The following LMLN variants were observed in gnomAD, a reference collection of about 807,000 sequenced individuals.
LMLN encodes the protein leishmanolysin-like peptidase.
Under a neutral mutation model 92.3 loss-of-function variants are expected in LMLN, and 70 were observed. The observed-to-expected ratio is 0.76, with a 90% CI of 0.63 to 0.92. The LOEUF is 0.92. Among genes scored for constraint, LMLN ranks in the 40% least tolerant of loss-of-function variants. The pLI, the probability that LMLN is intolerant of heterozygous loss-of-function variation, is 0.00. For missense variants in LMLN, 691 were observed against 814.6 expected (o/e 0.85, Z 1.85); for synonymous variants, 308 against 296.2 (o/e 1.04, Z -0.41).
chr3:197,992,577 A>G (rs1721905583), intron 9 of LMLN, among the ~76,000 whole-genome samples: 2 of 152,226 alleles, frequency 1.3e-5, no homozygotes, highest in Admixed American at 1.3e-4. Context: ...ACTTATGAAG[A>G]CTGAATCATG....
exon 10 of LMLN, chr3:197,996,280 G>A: frequency 6.4e-7 from 1 of 1,551,234 alleles, no homozygotes. Context: ...AAGGTTATTA[G>A]AGGTCAGTTT....
intron 11 of LMLN, among the ~76,000 whole-genome samples, chr3:198,000,949 AAGAG>A (rs1344591439): frequency 6.6e-6 from 1 of 151,934 alleles, no homozygotes; most frequent in Non-Finnish European, 1.5e-5. Context: ...TTAGTTTTTA[AAGAG>A]AGAGAAAGAA....
chr3:197,991,863 C>CTT lies in LMLN; in HGVS notation c.1047+1203_1047+1204dup, dbSNP rs34726731. 3.3e-3 allele frequency among the ~76,000 whole-genome samples: 448 copies of CTT among 135,822 alleles called. 2 individuals carry two copies. The highest frequency in any genetic ancestry group is 0.011 in the African/African-American group (393 of 36,182). 89.1% of individuals were successfully genotyped at this position (135,822 alleles called of 152,430 possible). A position where few individuals can be genotyped will look rare whatever the true frequency, so the allele number is the denominator to read the frequency against. On this transcript the variant is annotated intron_variant, in intron 9 of 15. Transcript: ENST00000330198. ...AGCAAGGTTTTATTCTACTGAGCAA[C>CTT]TTTTTTTTTTTTTTTTTGAGACAGT...
At chr3:198,014,646 C>T (rs555362628) in intron 11 of LMLN, among the ~76,000 whole-genome samples, 29 of 134,424 alleles carry the variant, frequency 2.2e-4, no homozygotes, top group African/African-American at 8.6e-4. Flanking sequence ...GACTTCTCTC[C>T]ACCCTTCAGA....
At chr3:198,036,753 TA>T (rs957570106) in intron 15 of LMLN, among the ~76,000 whole-genome samples, 1 of 152,200 alleles carries the variant, frequency 6.6e-6, no homozygotes, top group African/African-American at 2.4e-5. Context: ...GCTGAGAGTA[TA>T]AAAGCAGAAT....
chr3:197,984,328 A>G (rs1721638472), intron 7 of LMLN, among the ~76,000 whole-genome samples: 1 of 152,060 alleles, frequency 6.6e-6, no homozygotes, highest in Non-Finnish European at 1.5e-5. Context: ...AGATTGTGCC[A>G]CTGCACTCCA....
intron 11 of LMLN, among the ~76,000 whole-genome samples, chr3:198,015,998 A>C (rs1288231822): frequency 1.3e-5 from 2 of 152,000 alleles, no homozygotes; most frequent in African/African-American, 4.8e-5. Flanking sequence ...CAGGAGTTTG[A>C]GACCAGACTG....
chr3:198,035,583 G>A (rs909379010), intron 14 of LMLN, among the ~76,000 whole-genome samples: 1 of 151,720 alleles, frequency 6.6e-6, no homozygotes, highest in Non-Finnish European at 1.5e-5. Context: ...GGATGATCTC[G>A]ATCTCTTGAC....
In LMLN at chr3:198,029,791, G is replaced by T. The variant is rs1366942224; in HGVS notation, c.1656+5003G>T. Among the ~76,000 whole-genome samples the T allele has an allele frequency of 2.6e-5, 4 of 152,110 alleles. No individual in the cohort carries two copies. The South Asian group carries it at 8.3e-4, about 32-fold the overall frequency. ...TCAATTCTTAGTTGTTGTTTTGTTG[G>T]GGGTGGAGGAGTCAGGGGAGACTTA... On this transcript the variant is annotated intron_variant, in intron 14 of 15. Transcript: ENST00000330198.
At chr3:198,022,523 G>C (rs1212324000) in intron 13 of LMLN, among the ~76,000 whole-genome samples, 1 of 152,164 alleles carries the variant, frequency 6.6e-6, no homozygotes, top group Non-Finnish European at 1.5e-5. Context: ...AGATGTAACT[G>C]GATTCCTGCA....
intron 1 of LMLN, 135 bp from the exon 2 acceptor site, chr3:197,974,242 A>G (rs908561805): frequency 6.6e-6 from 4 of 602,486 alleles, no homozygotes; most frequent in African/African-American, 3.9e-5. Flanking sequence ...AAGAATGCTG[A>G]CACAGTGGAA....
chr3:198,017,566 A>T (rs1037026248), intron 11 of LMLN, among the ~76,000 whole-genome samples: 2 of 152,178 alleles, frequency 1.3e-5, no homozygotes, highest in African/African-American at 4.8e-5. Flanking sequence ...CTAATATGGT[A>T]CCATTAGCCA....
intron 5 of LMLN, among the ~76,000 whole-genome samples, 160 bp from the exon 6 acceptor site, chr3:197,980,166 G>A (rs938147368): frequency 2.0e-5 from 3 of 152,148 alleles, no homozygotes; most frequent in African/African-American, 7.2e-5. Flanking sequence ...ATTAGAGCTA[G>A]GTATTGAGTA....
At position 198,019,282 on chromosome 3, in the gene LMLN, C is replaced by T. The variant is rs751717014; in HGVS notation, c.1262C>T (p.Thr421Met). ...CAGATGCTGAGCCCTTACTGTGACA[C>T]GCTCAGAAGTAACCCACTGCAGCTA... Residue 421 changes from threonine to methionine, a missense_variant, in exon 12 of 16, where the codon ACG becomes ATG. Physicochemically the swap from Thr to Met is moderately conservative, Grantham distance 81. This residue lies in a region of LMLN where 352 missense variants were observed against 443.6 expected (regional missense o/e 0.79). Transcript: ENST00000330198. This position sits in a 1 kb window ranked among gnomAD's most constrained non-coding sequence, Gnocchi z 5.5. The T allele has an allele frequency of 4.5e-5, 72 of 1,613,484 alleles. No individual in the cohort carries two copies. The highest frequency in any genetic ancestry group is 1.6e-4 in the Middle Eastern group (1 of 6,080).
exon 1 of LMLN, chr3:197,960,279 T>G (rs369620107): frequency 1.2e-6 from 2 of 1,613,580 alleles, no homozygotes; most frequent in Non-Finnish European, 1.7e-6. Context: ...AGTGGGTTAC[T>G]CGGGCTCAGG....
chr3:197,996,172 T>C lies in LMLN; in HGVS notation c.1048-3T>C, dbSNP rs749931872. Reference sequence around the variant, plus strand: ...TGTTTCTGATTTTTTTTCTGGTTCTTAGGAGGAAGCACGAAAACATTTTGA... The same window carrying C: ...TGTTTCTGATTTTTTTTCTGGTTCTCAGGAGGAAGCACGAAAACATTTTGA... On this transcript the variant is annotated splice_region_variant and splice_polypyrimidine_tract_variant and intron_variant, in intron 9 of 15. Coordinates refer to ENST00000330198, the Ensembl canonical transcript of LMLN. 6.5e-7 allele frequency: 1 copy of C among 1,543,302 alleles called. No individual in the cohort carries two copies. The highest frequency in any genetic ancestry group is 8.7e-7 in the Non-Finnish European group (1 of 1,146,832).
intron 9 of LMLN, among the ~76,000 whole-genome samples, chr3:197,995,656 G>A (rs1721997456): frequency 2.0e-5 from 3 of 151,338 alleles, no homozygotes; most frequent in Admixed American, 1.3e-4. Flanking sequence ...TTTTTTTTGA[G>A]ATCTATTGCA....
intron 1 of LMLN, among the ~76,000 whole-genome samples, chr3:197,963,172 C>T (rs1466871962): frequency 1.3e-5 from 2 of 151,200 alleles, no homozygotes; most frequent in African/African-American, 4.9e-5. Context: ...ATAGATCTTG[C>T]ATTTTTTCTT....
intron 1 of LMLN, among the ~76,000 whole-genome samples, chr3:197,972,821 G>A (rs1310506937): frequency 2.0e-5 from 3 of 151,714 alleles, no homozygotes; most frequent in Non-Finnish European, 2.9e-5. Context: ...ATGTAATTTC[G>A]TTGTCAGCCA....
Sources: allele counts gnomAD v4.1 joint callset (sites outside exome capture counted in the v4.1 genomes callset), GRCh38; gene constraint gnomAD v4.1.1; regional missense constraint gnomAD v4.1.1; non-coding constraint Gnocchi (gnomAD v3.1); transcripts MANE v1.5; gene names NCBI Gene and HGNC (gene_info 2026-07-23, HGNC 2026-07-21).